The following ACOT7 variants were observed in gnomAD, a reference collection of about 807,000 sequenced individuals.
The protein encoded by ACOT7 is cytosolic acyl coenzyme A thioester hydrolase.
In ACOT7, 12 loss-of-function variants were observed where a neutral mutation model predicts 40.2. The ratio of observed to expected loss-of-function variants is 0.30; its 90% CI spans 0.19 to 0.48. The LOEUF is 0.48. Among genes scored for constraint, ACOT7 ranks in the 20% least tolerant of loss-of-function variants. The pLI is 0.99. For synonymous variants in ACOT7, 228 were observed against 219.5 expected (o/e 1.04, Z -0.34); for missense variants, 395 against 530.8 (o/e 0.74, Z 2.51).
chr1:6,308,046 C>A lies in ACOT7; in HGVS notation c.712+10446G>T, dbSNP rs574866336. On this transcript the variant is annotated intron_variant, in intron 6 of 8. Coordinates refer to ENST00000361521, the MANE Select transcript of ACOT7 (RefSeq NM_007274.4). ...ACCAGGCAGAGGGAACCGCAACAGGCAGAAGGAACAGCCACAGGCAGAGGG... is the reference window on the plus strand; with the variant it reads ...ACCAGGCAGAGGGAACCGCAACAGGAAGAAGGAACAGCCACAGGCAGAGGG... Among the ~76,000 whole-genome samples, 28 of 148,274 alleles carry A rather than the reference C, an allele frequency of 1.9e-4. No homozygotes were observed. In the South Asian group the frequency reaches 6.0e-3, roughly 32 times the overall value.
chr1:6,279,770 C>T (rs1346032596), intron 8 of ACOT7, among the ~76,000 whole-genome samples: 1 of 152,174 alleles, frequency 6.6e-6, no homozygotes, highest in Non-Finnish European at 1.5e-5. Flanking sequence ...ACACACCACA[C>T]CTGGCGCTAC....
intron 8 of ACOT7, among the ~76,000 whole-genome samples, chr1:6,276,237 G>C (rs1444095317): frequency 6.6e-6 from 1 of 151,960 alleles, no homozygotes; most frequent in South Asian, 2.1e-4. Context: ...GACGTCCTCC[G>C]CTTCAGCAGA....
intron 2 of ACOT7, among the ~76,000 whole-genome samples, chr1:6,349,026 C>T (rs74049535): frequency 0.022 from 3,409 of 152,282 alleles, 118 homozygotes; most frequent in African/African-American, 0.078. Context: ...GCTGCAGCTG[C>T]GGCACCAAGG....
intron 3 of ACOT7, 72 bp downstream of exon 3, chr1:6,339,361 C>T: frequency 6.2e-7 from 1 of 1,602,768 alleles, no homozygotes. Flanking sequence ...GCGTCCTCTG[C>T]CCTCAGGAGG....
At chr1:6,283,623 T>C (rs991623793) in intron 7 of ACOT7, among the ~76,000 whole-genome samples, 1 of 152,190 alleles carries the variant, frequency 6.6e-6, no homozygotes, top group South Asian at 2.1e-4. Flanking sequence ...GTAGGTTGAT[T>C]ATAAAAGCAT....
intron 1 of ACOT7, among the ~76,000 whole-genome samples, chr1:6,350,138 T>C (rs1473022556): frequency 1.3e-5 from 2 of 152,202 alleles, no homozygotes; most frequent in Non-Finnish European, 2.9e-5. Flanking sequence ...GTCCCTGGAC[T>C]GCCCTGGCAG....
chr1:6,345,176 C>T (rs989200384), intron 2 of ACOT7, among the ~76,000 whole-genome samples: 7 of 152,216 alleles, frequency 4.6e-5, no homozygotes, highest in Non-Finnish European at 4.4e-5. Context: ...CAGGAAAAGC[C>T]CCACCCTGCC....
chr1:6,290,588 T>C (rs527983218), intron 7 of ACOT7, among the ~76,000 whole-genome samples: 3 of 152,368 alleles, frequency 2.0e-5, no homozygotes, highest in Admixed American at 2.0e-4. Flanking sequence ...ATTAAATTTA[T>C]ACTTGACTTA....
intron 8 of ACOT7, among the ~76,000 whole-genome samples, chr1:6,273,071 G>A (rs1481071868): frequency 6.6e-6 from 1 of 152,256 alleles, no homozygotes; most frequent in East Asian, 1.9e-4. Context: ...GCAGCTCACT[G>A]TGCCCAGGTG....
chr1:6,371,303 AT>A (rs1642129108), intron 1 of ACOT7, among the ~76,000 whole-genome samples: 1 of 151,914 alleles, frequency 6.6e-6, no homozygotes. Flanking sequence ...GTAAATGAGC[AT>A]TGGCTTCAAC....
intron 5 of ACOT7, among the ~76,000 whole-genome samples, chr1:6,323,376 G>A (rs1165925357): frequency 6.6e-6 from 1 of 152,116 alleles, no homozygotes; most frequent in Non-Finnish European, 1.5e-5. Context: ...CCCTTTCTGA[G>A]TGCCAGCTGT....
intron 8 of ACOT7, 150 bp downstream of exon 8, chr1:6,280,952 G>T: frequency 9.1e-7 from 1 of 1,102,412 alleles, no homozygotes; most frequent in Non-Finnish European, 1.3e-6. Context: ...CGAGGTCACC[G>T]GTCACGGCAG....
At chr1:6,365,683 G>C (rs997778198) in intron 1 of ACOT7, among the ~76,000 whole-genome samples, 1 of 151,210 alleles carries the variant, frequency 6.6e-6, no homozygotes, top group Non-Finnish European at 1.5e-5. Flanking sequence ...CAGAAGAATG[G>C]CGTAAACCCG....
At chr1:6,302,923 C>T (rs1397028074) in intron 6 of ACOT7, among the ~76,000 whole-genome samples, 1 of 152,226 alleles carries the variant, frequency 6.6e-6, no homozygotes, top group African/African-American at 2.4e-5. Flanking sequence ...AATGTGTTAA[C>T]TGAGAAAACT....
At chr1:6,354,090 G>A (rs1367060111) in intron 1 of ACOT7, among the ~76,000 whole-genome samples, 1 of 152,208 alleles carries the variant, frequency 6.6e-6, no homozygotes, top group Non-Finnish European at 1.5e-5. Context: ...CTTGTAGCAT[G>A]AGTGGCAGGT....
chr1:6,285,623 G>A (rs1324237876), intron 7 of ACOT7, among the ~76,000 whole-genome samples: 1 of 152,268 alleles, frequency 6.6e-6, no homozygotes, highest in Non-Finnish European at 1.5e-5. Flanking sequence ...CACCAAATGT[G>A]GAGGCGGGTG....
At chr1:6,280,867 G>A (rs1192259437) in intron 8 of ACOT7, among the ~76,000 whole-genome samples, 1 of 152,198 alleles carries the variant, frequency 6.6e-6, no homozygotes, top group Admixed American at 6.5e-5. Context: ...CGGGCCCTGG[G>A]AGTACAGCCC....
intron 1 of ACOT7, among the ~76,000 whole-genome samples, chr1:6,370,264 C>T (rs1461374632): frequency 6.6e-6 from 1 of 152,092 alleles, no homozygotes; most frequent in Non-Finnish European, 1.5e-5. Context: ...ATGCTGGTGC[C>T]ATGCTTCCTG....
At chr1:6,349,371 C>T (rs1040326687) in intron 2 of ACOT7, among the ~76,000 whole-genome samples, 1 of 152,214 alleles carries the variant, frequency 6.6e-6, no homozygotes, top group African/African-American at 2.4e-5. Context: ...TGGGACCTCT[C>T]CTACATCTGC....
Sources: gnomAD v4.1 joint callset for allele counts (sites outside exome capture counted in the v4.1 genomes callset) on GRCh38, gnomAD v4.1.1 for gene constraint, MANE v1.5 for transcripts, NCBI Gene and HGNC (gene_info 2026-07-23, HGNC 2026-07-21) for gene names.